AGBL4: variants seen among roughly 807,000 people sequenced by gnomAD.
The protein encoded by AGBL4 is cytosolic carboxypeptidase 6.
AGBL4 carries 58 observed loss-of-function variants against 66.4 expected under a neutral mutation model. That is an observed-to-expected ratio of 0.87 (90% CI 0.71 to 1.09). The LOEUF is 1.09. Among genes scored for constraint, AGBL4 ranks in the 50% least tolerant of loss-of-function variants. The probability of loss-of-function intolerance (pLI) is 0.00; values close to 1 mark genes in which losing one functional copy is unlikely to be tolerated. For synonymous variants in AGBL4, 234 were observed against 222.9 expected (o/e 1.05, Z -0.44); for missense variants, 579 against 631.0 (o/e 0.92, Z 0.88).
intron 2 of AGBL4, among the ~76,000 whole-genome samples, chr1:49,756,868 T>G (rs1414148423): frequency 1.3e-5 from 2 of 152,172 alleles, no homozygotes; most frequent in African/African-American, 4.8e-5. Flanking sequence ...CTTTCCTTTA[T>G]AAATTACCCA....
At chr1:48,717,284 T>C (rs573222689) in intron 6 of AGBL4, among the ~76,000 whole-genome samples, 13 of 152,362 alleles carry the variant, frequency 8.5e-5, no homozygotes, top group African/African-American at 3.1e-4. Context: ...GCATGTGTCC[T>C]TCCTGCCTGA....
chr1:49,917,364 G>C (rs971909337), intron 1 of AGBL4, among the ~76,000 whole-genome samples: 4 of 151,456 alleles, frequency 2.6e-5, no homozygotes, highest in African/African-American at 9.7e-5. Context: ...ACACACATAG[G>C]CTCAAAATAA....
chr1:49,529,457 T>A (rs539943283), intron 3 of AGBL4, among the ~76,000 whole-genome samples: 1 of 151,992 alleles, frequency 6.6e-6, no homozygotes, highest in Non-Finnish European at 1.5e-5. Flanking sequence ...AGCAGGCAGA[T>A]GACTTGAGGC....
At chr1:49,679,006 T>A (rs1018171919) in intron 3 of AGBL4, among the ~76,000 whole-genome samples, 1 of 152,020 alleles carries the variant, frequency 6.6e-6, no homozygotes, top group African/African-American at 2.4e-5. Flanking sequence ...TTTGAAAAAA[T>A]TGTTTATTCT....
chr1:50,007,317 C>A (rs1661212620), intron 1 of AGBL4, among the ~76,000 whole-genome samples: 1 of 151,844 alleles, frequency 6.6e-6, no homozygotes, highest in Non-Finnish European at 1.5e-5. Context: ...GAAAGAAGAC[C>A]ACAAAACAAT....
chr1:49,759,921 G>A (rs1474079755), intron 2 of AGBL4, among the ~76,000 whole-genome samples: 1 of 152,148 alleles, frequency 6.6e-6, no homozygotes, highest in Non-Finnish European at 1.5e-5. Flanking sequence ...CATAATGACA[G>A]GAAGGAAATC....
intron 5 of AGBL4, among the ~76,000 whole-genome samples, chr1:48,910,573 G>A (rs536620904): frequency 3.3e-5 from 5 of 152,080 alleles, no homozygotes; most frequent in South Asian, 2.1e-4. Flanking sequence ...CAGTCAGCTC[G>A]CAACCAAATT....
chr1:48,852,968 A>T (rs1647066543), intron 6 of AGBL4, among the ~76,000 whole-genome samples: 1 of 152,176 alleles, frequency 6.6e-6, no homozygotes, highest in African/African-American at 2.4e-5. Flanking sequence ...TAGTATTCAC[A>T]TCCTTGTCTA....
At chr1:48,779,021 T>A (rs1372166992) in intron 6 of AGBL4, among the ~76,000 whole-genome samples, 1 of 152,200 alleles carries the variant, frequency 6.6e-6, no homozygotes, top group African/African-American at 2.4e-5. Context: ...TTTACTGTCA[T>A]GATTATGATT....
At chr1:48,947,927 G>A (rs193061673) in intron 5 of AGBL4, among the ~76,000 whole-genome samples, 18 of 150,274 alleles carry the variant, frequency 1.2e-4, no homozygotes, top group East Asian at 1.2e-3. Context: ...AGTCTCACTC[G>A]TGACCCAGGC....
chr1:49,075,301 T>G (rs1379417378), intron 4 of AGBL4, among the ~76,000 whole-genome samples: 2 of 152,108 alleles, frequency 1.3e-5, no homozygotes, highest in Admixed American at 1.3e-4. Flanking sequence ...TTAGTAGAAA[T>G]CAATGCATGC....
intron 5 of AGBL4, among the ~76,000 whole-genome samples, chr1:48,881,530 C>A (rs1279717429): frequency 6.6e-6 from 1 of 152,114 alleles, no homozygotes; most frequent in African/African-American, 2.4e-5. Context: ...CCTGAATTGG[C>A]ACCAAATGAA....
chr1:49,371,228 T>TAG (rs554876125), intron 3 of AGBL4, among the ~76,000 whole-genome samples: 8 of 147,084 alleles, frequency 5.4e-5, no homozygotes, highest in Non-Finnish European at 1.0e-4. Context: ...TAGATAGATA[T>TAG]ATAGATAGAT....
intron 2 of AGBL4, among the ~76,000 whole-genome samples, chr1:49,741,342 C>G (rs1383710987): frequency 1.3e-5 from 2 of 152,134 alleles, no homozygotes; most frequent in Non-Finnish European, 2.9e-5. Flanking sequence ...CCTCCCAAGA[C>G]TAAACCATGA....
At chr1:49,326,510 T>C (rs1415635589) in intron 3 of AGBL4, among the ~76,000 whole-genome samples, 3 of 151,906 alleles carry the variant, frequency 2.0e-5, no homozygotes, top group Non-Finnish European at 2.9e-5. Flanking sequence ...AGGGATAGTA[T>C]AAAGAGAAGG....
intron 4 of AGBL4, among the ~76,000 whole-genome samples, chr1:49,242,680 A>G (rs1399884299): frequency 6.6e-6 from 1 of 151,940 alleles, no homozygotes; most frequent in Non-Finnish European, 1.5e-5. Context: ...CCCTAACCAC[A>G]ATCCTTAAGA....
intron 5 of AGBL4, among the ~76,000 whole-genome samples, chr1:48,987,097 C>A (rs1227178963): frequency 6.6e-6 from 1 of 151,276 alleles, no homozygotes; most frequent in African/African-American, 2.4e-5. Context: ...ATAACCATAA[C>A]CATAAACATA....
At chr1:48,664,965 C>G (rs753115986) in intron 6 of AGBL4, among the ~76,000 whole-genome samples, 21 of 152,182 alleles carry the variant, frequency 1.4e-4, no homozygotes, top group Non-Finnish European at 2.9e-4. Flanking sequence ...TAGGATTTCT[C>G]CTTCTGAAAT....
chr1:48,806,198 C>G (rs1245582119), intron 6 of AGBL4, among the ~76,000 whole-genome samples: 1 of 152,094 alleles, frequency 6.6e-6, no homozygotes, highest in Non-Finnish European at 1.5e-5. Context: ...TTCTTCATAA[C>G]CTTGGAAATG....
Sources: allele counts gnomAD v4.1 joint callset (sites outside exome capture counted in the v4.1 genomes callset), GRCh38; gene constraint gnomAD v4.1.1; transcripts MANE v1.5; gene names NCBI Gene and HGNC (gene_info 2026-07-23, HGNC 2026-07-21).